The following ZNF385C variants were observed in gnomAD, a reference collection of about 807,000 sequenced individuals.
ZNF385C encodes the protein CTD-2132N18.2.
A neutral mutation model predicts 35.4 loss-of-function variants in ZNF385C; 28 were observed. The observed-to-expected ratio is 0.79, with a 90% CI of 0.59 to 1.08. The LOEUF (loss-of-function observed/expected upper bound fraction) is 1.08. Ranked by LOEUF, ZNF385C falls within the 50% of genes least tolerant of loss-of-function variation. The probability of loss-of-function intolerance (pLI) is 0.00; values close to 1 mark genes in which losing one functional copy is unlikely to be tolerated. For missense variants in ZNF385C, 605 were observed against 595.6 expected (o/e 1.02, Z -0.16); for synonymous variants, 248 against 248.2 (o/e 1.00, Z 0.01).
In ZNF385C at chr17:42,050,289, C is replaced by T. The variant is rs2053253774; in HGVS notation, c.251-12404G>A. The stretch of plus-strand genomic sequence containing the variant: ...GGGGGCCCCTTGCTTTGGGACCCCA[C>T]TAAGAGAAGTCCAGCACTCAGCAGA... On this transcript the variant is annotated intron_variant, in intron 2 of 8. Transcript: ENST00000692273. The surrounding 1 kb of genome is among the most constrained non-coding windows in gnomAD (Gnocchi z 5.6). 6.6e-6 allele frequency among the ~76,000 whole-genome samples: 1 copy of T among 152,226 alleles called. No individual in the cohort carries two copies. Among genetic ancestry groups the T allele is most frequent in the African/African-American group, 2.4e-5 (1 of 41,460 alleles).
At chr17:42,093,218 T>C (rs1555660716) in intron 1 of ZNF385C, among the ~76,000 whole-genome samples, 1 of 144,856 alleles carries the variant, frequency 6.9e-6, no homozygotes, top group African/African-American at 2.6e-5. Context: ...GGAGCACAGC[T>C]GTGGTTTGGA....
chr17:42,093,119 G>A (rs1166694474), intron 1 of ZNF385C, among the ~76,000 whole-genome samples: 1 of 152,232 alleles, frequency 6.6e-6, no homozygotes, highest in Non-Finnish European at 1.5e-5. Flanking sequence ...GGAGGCCACA[G>A]AGGTGGGGAG....
intron 1 of ZNF385C, among the ~76,000 whole-genome samples, chr17:42,094,615 T>A (rs1039528056): frequency 6.6e-6 from 1 of 151,782 alleles, no homozygotes. Context: ...AGGACACAGA[T>A]GGGGAGCACA....
chr17:42,072,645 G>A (rs540364227), intron 1 of ZNF385C, among the ~76,000 whole-genome samples: 12 of 152,140 alleles, frequency 7.9e-5, no homozygotes, highest in Admixed American at 5.2e-4. Context: ...TCCCGGCCCC[G>A]CGCTCTCCCG....
chr17:42,043,315 C>A, intron 2 of ZNF385C: 6 of 1,232,242 alleles, frequency 4.9e-6, no homozygotes, highest in Non-Finnish European at 6.1e-6. Flanking sequence ...GTTGAAGTAA[C>A]GCTTACACTT....
At chr17:42,076,774 C>T (rs1166196996) in intron 1 of ZNF385C, among the ~76,000 whole-genome samples, 1 of 152,148 alleles carries the variant, frequency 6.6e-6, no homozygotes, top group Non-Finnish European at 1.5e-5. Context: ...TACCATGGTG[C>T]TTCTAAAGGC....
At chr17:42,068,156 T>G (rs1205559166) in intron 1 of ZNF385C, among the ~76,000 whole-genome samples, 1 of 152,016 alleles carries the variant, frequency 6.6e-6, no homozygotes, top group Non-Finnish European at 1.5e-5. Flanking sequence ...AGTCAGAAAG[T>G]GTGGACGGGT....
At position 42,026,482 on chromosome 17, in the gene ZNF385C, T is replaced by C; in HGVS notation, c.*415A>G. On this transcript the variant is annotated 3_prime_UTR_variant, in exon 9 of 9. Transcript: ENST00000692273. ...GAGCCTGCTGCAGCTAGAGACCCCA[T>C]CCCTATCTCCAGTGAAGCCCCAAAG... 4.4e-6 allele frequency: 1 copy of C among 227,752 alleles called. No homozygotes were observed. The highest frequency in any genetic ancestry group is 8.8e-6 in the Non-Finnish European group (1 of 113,934). The allele number at this position is 227,752 out of a possible 1,614,324, so 14.1% of individuals were successfully genotyped here. A position where few individuals can be genotyped will look rare whatever the true frequency, so the allele number is the denominator to read the frequency against.
intron 2 of ZNF385C, among the ~76,000 whole-genome samples, chr17:42,047,800 C>T (rs920010033): frequency 4.6e-5 from 7 of 151,790 alleles, no homozygotes; most frequent in South Asian, 2.1e-4. Flanking sequence ...ATTACAGGCG[C>T]GCACCACCAT....
chr17:42,032,941 C>A (rs2052764080), intron 4 of ZNF385C, among the ~76,000 whole-genome samples: 1 of 151,740 alleles, frequency 6.6e-6, no homozygotes, highest in Admixed American at 6.6e-5. Flanking sequence ...CCAGGCTGGT[C>A]TCTAACTCCT....
chr17:42,095,295 G>T lies in ZNF385C; in HGVS notation c.-3+3115C>A, dbSNP rs188293120. On this transcript the variant is annotated intron_variant, in intron 1 of 8. Transcript: ENST00000692273. The surrounding 1 kb of genome is among the most constrained non-coding windows in gnomAD (Gnocchi z 4.4). ...CAACACCAGCGTACCATTCATTCCC[G>T]CTGGGGATGACCCCCGCCGCCTGGC... Among the ~76,000 whole-genome samples, 3 of 152,152 alleles carry T rather than the reference G, an allele frequency of 2.0e-5. No homozygotes were observed. Among genetic ancestry groups the T allele is most frequent in the Non-Finnish European group, 4.4e-5 (3 of 68,022 alleles).
At chr17:42,047,093 G>A (rs929010316) in intron 2 of ZNF385C, among the ~76,000 whole-genome samples, 8 of 149,622 alleles carry the variant, frequency 5.3e-5, no homozygotes, top group East Asian at 2.0e-4. Context: ...GCGCAGTGGC[G>A]CGATCTCGGC....
chr17:42,083,070 C>G (rs1469139109), intron 1 of ZNF385C, among the ~76,000 whole-genome samples: 13 of 152,010 alleles, frequency 8.6e-5, no homozygotes, highest in Admixed American at 7.9e-4. Flanking sequence ...GAATGAAACT[C>G]CTTCTCAAAA....
intron 3 of ZNF385C, 109 bp from the exon 4 acceptor site, chr17:42,034,444 C>T (rs1046337807): frequency 8.1e-6 from 6 of 737,422 alleles, no homozygotes; most frequent in Non-Finnish European, 1.3e-5. Context: ...GGGCCTTGGT[C>T]AGCTTCTAGG....
chr17:42,041,263 G>C (rs908339154), intron 2 of ZNF385C: 1 of 1,201,336 alleles, frequency 8.3e-7, no homozygotes, highest in Non-Finnish European at 1.0e-6. Context: ...CAGGCAGTGC[G>C]GGGTGGTGGA....
intron 2 of ZNF385C, among the ~76,000 whole-genome samples, chr17:42,045,066 C>T (rs1323104136): frequency 2.0e-5 from 3 of 152,270 alleles, no homozygotes; most frequent in South Asian, 2.1e-4. Context: ...TACAGGCACC[C>T]GCCATCACGC....
chr17:42,093,581 A>ATT (rs201404789), intron 1 of ZNF385C, among the ~76,000 whole-genome samples: 2 of 138,848 alleles, frequency 1.4e-5, no homozygotes, highest in Non-Finnish European at 3.0e-5. Flanking sequence ...ATTTTATTTT[A>ATT]TTTATTTTTT....
intron 2 of ZNF385C, chr17:42,042,920 CGA>C: frequency 8.1e-7 from 1 of 1,232,408 alleles, no homozygotes; most frequent in Non-Finnish European, 1.0e-6. Context: ...CTCTGCAGCT[CGA>C]GCAGGGCAGA....
rs1267925748 is a variant in ZNF385C at position 42,043,574 on chromosome 17, AAG to A, written c.251-5691_251-5690del. On this transcript the variant is annotated intron_variant, in intron 2 of 8. Coordinates refer to ENST00000692273, the MANE Select transcript of ZNF385C (RefSeq NM_001392013.1). ...TCTGCCGGTGGGAGACTGGAGATGAAAGAGACAGGCAGAGGTGTTAGGGGTCT... is the reference window on the plus strand; with the variant it reads ...TCTGCCGGTGGGAGACTGGAGATGAAAGACAGGCAGAGGTGTTAGGGGTCT... The A allele has an allele frequency of 4.9e-5, 20 of 412,054 alleles. No homozygotes were observed. The South Asian group carries it at 2.6e-3, about 53-fold the overall frequency. 25.5% of individuals were successfully genotyped at this position (412,054 alleles called of 1,614,324 possible). A position where few individuals can be genotyped will look rare whatever the true frequency, so the allele number is the denominator to read the frequency against.
Sources: allele counts gnomAD v4.1 joint callset (sites outside exome capture counted in the v4.1 genomes callset), GRCh38; gene constraint gnomAD v4.1.1; non-coding constraint Gnocchi (gnomAD v3.1); transcripts MANE v1.5; gene names NCBI Gene and HGNC (gene_info 2026-07-23, HGNC 2026-07-21).